Variants in BMP7 observed in about 807,000 individuals in gnomAD.
BMP7 encodes the protein osteogenic protein 1.
Under a neutral mutation model 41.2 loss-of-function variants are expected in BMP7, and 12 were observed. The observed-to-expected ratio is 0.29, with a 90% confidence interval of 0.19 to 0.47. The LOEUF (loss-of-function observed/expected upper bound fraction) is 0.47. Among genes scored for constraint, BMP7 ranks in the 20% least tolerant of loss-of-function variants. The pLI, the probability that BMP7 is intolerant of heterozygous loss-of-function variation, is 0.99. For synonymous variants in BMP7, 248 were observed against 250.0 expected, an observed-to-expected ratio of 0.99 and a Z score of 0.07; for missense variants, 467 against 606.0, an observed-to-expected ratio of 0.77 and a Z score of 2.41.
At chr20:57,249,864 G>C (rs1309178398) in intron 1 of BMP7, among the ~76,000 whole-genome samples, 2 of 152,132 alleles carry the variant, frequency 1.3e-5, no homozygotes, top group East Asian at 3.9e-4. Context: ...GGTGAGGACT[G>C]AGCCCCTTCC....
intron 3 of BMP7, among the ~76,000 whole-genome samples, chr20:57,184,963 C>T (rs978573228): frequency 2.0e-5 from 3 of 152,198 alleles, no homozygotes; most frequent in Non-Finnish European, 2.9e-5. Flanking sequence ...AGTGGGACTT[C>T]GCATCCAGGG....
rs2066014765 is a variant in BMP7 at position 57,228,149 on chromosome 20, A to G, written c.611+80T>C. 1.3e-6 allele frequency: 2 copies of G among 1,510,066 alleles called. No homozygotes were observed. The highest frequency in any genetic ancestry group is 1.7e-5 in the Admixed American group (1 of 59,816). 93.5% of individuals were successfully genotyped at this position (1,510,066 alleles called of 1,614,324 possible). A position where few individuals can be genotyped will look rare whatever the true frequency, so the allele number is the denominator to read the frequency against. On this transcript the variant is annotated intron_variant, in intron 2 of 6. Transcript: ENST00000395863. The surrounding 1 kb of genome is among the most constrained non-coding windows in gnomAD (Gnocchi z 4.5). ...GCACGTGGTTGTGCCAATCTGACCCATCCTCTGGCCCTCACCACCTTCTTC... is the reference window on the plus strand; with the variant it reads ...GCACGTGGTTGTGCCAATCTGACCCGTCCTCTGGCCCTCACCACCTTCTTC...
chr20:57,188,911 T>C (rs1261469238), intron 3 of BMP7, among the ~76,000 whole-genome samples: 1 of 152,232 alleles, frequency 6.6e-6, no homozygotes, highest in African/African-American at 2.4e-5. Flanking sequence ...AACCCTGGTC[T>C]GTCAAAACCA....
intron 1 of BMP7, among the ~76,000 whole-genome samples, chr20:57,264,045 G>A (rs2066163923): frequency 6.6e-6 from 1 of 152,188 alleles, no homozygotes; most frequent in Non-Finnish European, 1.5e-5. Flanking sequence ...CAGGTCATAT[G>A]TTGCTGCTTC....
At chr20:57,185,003 A>G (rs760630305) in intron 3 of BMP7, among the ~76,000 whole-genome samples, 5 of 152,194 alleles carry the variant, frequency 3.3e-5, no homozygotes, top group Non-Finnish European at 4.4e-5. Flanking sequence ...GCGCTCTACA[A>G]GAAGCAAGAA....
chr20:57,226,625 A>C (rs2066007501), intron 2 of BMP7, among the ~76,000 whole-genome samples: 1 of 152,206 alleles, frequency 6.6e-6, no homozygotes, highest in Non-Finnish European at 1.5e-5. Context: ...TCCAACGATG[A>C]AAGCCAGAGG....
intron 1 of BMP7, among the ~76,000 whole-genome samples, chr20:57,232,201 C>A (rs2066031958): frequency 6.6e-6 from 1 of 152,184 alleles, no homozygotes; most frequent in Non-Finnish European, 1.5e-5. Flanking sequence ...CCTGTGTGTT[C>A]CCCTCCCCCT....
chr20:57,202,497 C>T lies in BMP7; in HGVS notation c.738G>A (p.Gln246=), dbSNP rs1183901281. The change falls in exon 3 of 7, where the codon CAG becomes CAA. Residue 246 remains glutamine (Q), a synonymous_variant. Transcript: ENST00000395863. ...CACCATCCAGCGTCTCCACCGAGAGCTGCAGGCCCAGGTTGTGCCGCGGAT... is the reference window on the plus strand; with the variant it reads ...CACCATCCAGCGTCTCCACCGAGAGTTGCAGGCCCAGGTTGTGCCGCGGAT... ...VVNPRHNLGL[Q]LSVETLDGQS... The T allele has an allele frequency of 1.2e-6, 2 of 1,607,546 alleles. No individual in the cohort carries two copies. Among genetic ancestry groups the T allele is most frequent in the Non-Finnish European group, 1.7e-6 (2 of 1,179,872 alleles).
At chr20:57,185,144 G>A (rs1312498228) in intron 3 of BMP7, among the ~76,000 whole-genome samples, 2 of 152,334 alleles carry the variant, frequency 1.3e-5, no homozygotes, top group Non-Finnish European at 2.9e-5. Flanking sequence ...GGGAGGTGAC[G>A]TGAGACTGGA....
At chr20:57,182,365 G>A (rs1256494542) in intron 4 of BMP7, among the ~76,000 whole-genome samples, 1 of 152,208 alleles carries the variant, frequency 6.6e-6, no homozygotes. Flanking sequence ...GGCCACCAGA[G>A]GCTGTCAATG....
At chr20:57,217,317 C>A (rs879834271) in intron 2 of BMP7, among the ~76,000 whole-genome samples, 4 of 152,158 alleles carry the variant, frequency 2.6e-5, no homozygotes, top group Non-Finnish European at 5.9e-5. Flanking sequence ...TTTAAAGCGC[C>A]CCTAACTAGG....
At chr20:57,218,426 T>TGGTAGCTGGTGTTTGTTTGGC (rs1352980130) in intron 2 of BMP7, among the ~76,000 whole-genome samples, 12 of 148,912 alleles carry the variant, frequency 8.1e-5, no homozygotes, top group East Asian at 7.7e-4. Flanking sequence ...GTTTGTTTGG[T>TGGTAGCTGGTGTTTGTTTGGC]GGTAGCTGGT....
intron 1 of BMP7, among the ~76,000 whole-genome samples, chr20:57,251,794 C>T (rs1435820366): frequency 4.6e-5 from 7 of 152,220 alleles, no homozygotes; most frequent in East Asian, 1.9e-4. Flanking sequence ...ATTATCTGGG[C>T]GTGGTGATGC....
chr20:57,202,770 C>G (rs1197121719), intron 2 of BMP7, 147 bp from the exon 3 acceptor site: 4 of 1,006,278 alleles, frequency 4.0e-6, no homozygotes, highest in Non-Finnish European at 5.8e-6. Context: ...AGACCAAGAT[C>G]CAGGCACAAA....
At chr20:57,211,301 T>A (rs933961900) in intron 2 of BMP7, among the ~76,000 whole-genome samples, 1 of 152,202 alleles carries the variant, frequency 6.6e-6, no homozygotes. Flanking sequence ...AGGACACGCC[T>A]CTGCTGGGAG....
intron 4 of BMP7, among the ~76,000 whole-genome samples, chr20:57,180,379 G>A (rs1266902489): frequency 1.4e-5 from 2 of 147,596 alleles, no homozygotes; most frequent in African/African-American, 2.5e-5. Flanking sequence ...TGCCCCTGCA[G>A]GTCCCACAGC....
intron 1 of BMP7, among the ~76,000 whole-genome samples, chr20:57,249,830 C>A (rs149152780): frequency 3.9e-5 from 6 of 152,284 alleles, no homozygotes; most frequent in Non-Finnish European, 8.8e-5. Flanking sequence ...CAGGAGCAGC[C>A]CTGTTTACTG....
intron 1 of BMP7, among the ~76,000 whole-genome samples, chr20:57,245,179 C>T (rs1032982091): frequency 6.6e-6 from 1 of 152,196 alleles, no homozygotes; most frequent in Admixed American, 6.5e-5. Context: ...AACTGGAAAT[C>T]TTGAAGAGCC....
intron 3 of BMP7, among the ~76,000 whole-genome samples, chr20:57,186,121 T>C (rs776402100): frequency 2.6e-4 from 40 of 152,158 alleles, no homozygotes; most frequent in Non-Finnish European, 5.4e-4. Context: ...AGTGTAGAGA[T>C]GGCATTTAAA....
Sources: gnomAD v4.1 joint callset for allele counts (sites outside exome capture counted in the v4.1 genomes callset) on GRCh38, gnomAD v4.1.1 for gene constraint, Gnocchi (gnomAD v3.1) non-coding constraint, MANE v1.5 for transcripts, NCBI Gene and HGNC (gene_info 2026-07-23, HGNC 2026-07-21) for gene names.